XRRA1: variants seen among roughly 807,000 people sequenced by gnomAD.
XRRA1 encodes the protein X-ray radiation resistance-associated protein 1.
Under a neutral mutation model 80.2 loss-of-function variants are expected in XRRA1, and 69 were observed. The observed-to-expected ratio is 0.86, with a 90% CI of 0.71 to 1.05. The LOEUF is 1.05. Among genes scored for constraint, XRRA1 ranks in the 50% least tolerant of loss-of-function variants. The pLI is 0.00. For synonymous variants in XRRA1, 348 were observed against 389.9 expected (o/e 0.89, Z 1.27); for missense variants, 967 against 976.4 (o/e 0.99, Z 0.13).
chr11:74,907,021 C>T (rs965050100), intron 9 of XRRA1, 124 bp downstream of exon 9: 1 of 1,339,094 alleles, frequency 7.5e-7, no homozygotes, highest in Non-Finnish European at 1.0e-6. Flanking sequence ...CATGGCCACA[C>T]AGTAGAGATA....
chr11:74,908,370 C>A (rs2055097786), intron 8 of XRRA1, among the ~76,000 whole-genome samples: 1 of 152,152 alleles, frequency 6.6e-6, no homozygotes, highest in Admixed American at 6.5e-5. Flanking sequence ...ACTGCCAAAT[C>A]ACACCTTTCA....
intron 10 of XRRA1, among the ~76,000 whole-genome samples, chr11:74,884,223 G>C (rs1305295893): frequency 5.3e-5 from 8 of 152,110 alleles, no homozygotes; most frequent in African/African-American, 1.9e-4. Context: ...TGCAAACATA[G>C]ATAAGCGAGC....
chr11:74,859,314 T>C (rs1433032765), intron 11 of XRRA1, 31 bp from the exon 12 acceptor site: 2 of 1,584,302 alleles, frequency 1.3e-6, no homozygotes, highest in Non-Finnish European at 1.7e-6. Context: ...AAAATCAAAG[T>C]GCCCGATAAT....
intron 10 of XRRA1, among the ~76,000 whole-genome samples, chr11:74,883,467 G>A (rs866839207): frequency 1.3e-4 from 20 of 152,042 alleles, no homozygotes; most frequent in African/African-American, 2.2e-4. Flanking sequence ...GAAATCACCC[G>A]TCTTCTGTGT....
chr11:74,897,627 G>A (rs753615696), intron 10 of XRRA1, among the ~76,000 whole-genome samples: 2 of 148,720 alleles, frequency 1.3e-5, no homozygotes, highest in Non-Finnish European at 1.5e-5. Context: ...ATACAATGGA[G>A]CACCAATATA....
intron 12 of XRRA1, among the ~76,000 whole-genome samples, chr11:74,856,990 A>G (rs1282971946): frequency 6.6e-6 from 1 of 152,076 alleles, no homozygotes; most frequent in Non-Finnish European, 1.5e-5. Context: ...AGAAAAGCCT[A>G]TCCTTGAGAC....
intron 4 of XRRA1, among the ~76,000 whole-genome samples, chr11:74,934,697 G>A (rs999408873): frequency 6.6e-6 from 1 of 152,094 alleles, no homozygotes; most frequent in Non-Finnish European, 1.5e-5. Flanking sequence ...CTTCTGAGAG[G>A]ATGAAAAACA....
intron 8 of XRRA1, among the ~76,000 whole-genome samples, chr11:74,915,657 A>G (rs114186223): frequency 0.025 from 3,735 of 152,282 alleles, 165 homozygotes; most frequent in African/African-American, 0.085. Flanking sequence ...TTGGATATAG[A>G]TTTGCCTTCC....
chr11:74,859,427 G>A, intron 11 of XRRA1, 144 bp from the exon 12 acceptor site: 1 of 882,936 alleles, frequency 1.1e-6, no homozygotes, highest in Non-Finnish European at 1.6e-6. Context: ...GGGTCATAAG[G>A]GTAGATGTCG....
rs1415691684 is a variant in XRRA1, at chr11:74,843,115, A to G, written c.*85T>C. On this transcript the variant is annotated 3_prime_UTR_variant, in exon 19 of 19. Transcript: ENST00000684022. ...TCTGAGGCCTGTGGCCGGCTGGTCA[A>G]CCTTGAGGTGCGGTCCAGGGCACAG... 1.0e-5 allele frequency: 15 copies of G among 1,463,730 alleles called. No individual in the cohort carries two copies. The allele number at this position is 1,463,730 out of a possible 1,614,324, so 90.7% of individuals were successfully genotyped here.
chr11:74,909,012 G>T (rs2138304925), intron 8 of XRRA1, among the ~76,000 whole-genome samples: 1 of 152,232 alleles, frequency 6.6e-6, no homozygotes, highest in African/African-American at 2.4e-5. Context: ...GGTGCTCAGG[G>T]TCTATGTTCA....
At position 74,937,062 on chromosome 11, in the gene XRRA1, C is replaced by T; in HGVS notation, c.101G>A (p.Gly34Glu). Residue 34 changes from glycine (G) to glutamate (E), a missense_variant, in exon 4 of 19, where the codon GGA becomes GAA. Gly to Glu is a moderately conservative substitution (Grantham distance 98, BLOSUM62 -2). Transcript: ENST00000684022. ...NLLRVPEEGQ[G>E]HWLVVQKGNL... ...ACCTTTCTGAACCACTAACCAGTGT[C>T]CTTGGCCTGTTGAGAAAATTAGAAC... The T allele has an allele frequency of 6.2e-7, 1 of 1,612,730 alleles. No homozygotes were observed. Among genetic ancestry groups the T allele is most frequent in the Admixed American group, 1.7e-5 (1 of 59,736 alleles).
chr11:74,845,855 CT>C (rs1394644973), intron 15 of XRRA1: 1 of 153,066 alleles, frequency 6.5e-6, no homozygotes, highest in Non-Finnish European at 1.5e-5. Flanking sequence ...ATCCTAATGG[CT>C]TTATAAGAAA....
At chr11:74,902,716 A>G (rs1219589636) in intron 10 of XRRA1, among the ~76,000 whole-genome samples, 1 of 152,158 alleles carries the variant, frequency 6.6e-6, no homozygotes, top group Non-Finnish European at 1.5e-5. Context: ...TCTGAAAATC[A>G]AAACAATTGA....
intron 10 of XRRA1, among the ~76,000 whole-genome samples, chr11:74,889,927 C>G (rs990686620): frequency 6.6e-6 from 1 of 152,156 alleles, no homozygotes; most frequent in African/African-American, 2.4e-5. Flanking sequence ...TACAAAGAGA[C>G]TTAGACTCCC....
At chr11:74,856,367 T>C (rs564077435) in intron 12 of XRRA1, among the ~76,000 whole-genome samples, 3 of 152,236 alleles carry the variant, frequency 2.0e-5, no homozygotes, top group South Asian at 2.1e-4. Flanking sequence ...GGTGCAAACA[T>C]AGAAAAATGG....
At chr11:74,889,927 C>T (rs990686620) in intron 10 of XRRA1, among the ~76,000 whole-genome samples, 1 of 152,156 alleles carries the variant, frequency 6.6e-6, no homozygotes. Context: ...TACAAAGAGA[C>T]TTAGACTCCC....
chr11:74,943,524 G>GGGGGGTGTGTGTGTGT (rs1330173160), intron 2 of XRRA1, among the ~76,000 whole-genome samples: 2 of 137,762 alleles, frequency 1.5e-5, no homozygotes, highest in African/African-American at 5.4e-5. Context: ...AGAGTAGGAG[G>GGGGGGTGTGTGTGTGT]GTGTGTGTGT....
chr11:74,938,701 A>G (rs1005175457), intron 3 of XRRA1, among the ~76,000 whole-genome samples: 4 of 152,210 alleles, frequency 2.6e-5, no homozygotes, highest in Non-Finnish European at 5.9e-5. Context: ...CACCCAATGA[A>G]TTGAAAGACA....
Sources: allele counts gnomAD v4.1 joint callset (sites outside exome capture counted in the v4.1 genomes callset), GRCh38; gene constraint gnomAD v4.1.1; transcripts MANE v1.5; gene names NCBI Gene and HGNC (gene_info 2026-07-23, HGNC 2026-07-21).